The following TAF15 variants were observed in gnomAD, a reference collection of about 807,000 sequenced individuals.
TAF15 encodes TATA-box binding protein associated factor 15.
A neutral mutation model predicts 102.5 loss-of-function variants in TAF15; 37 were observed. The ratio of observed to expected loss-of-function variants is 0.36; its 90% CI spans 0.28 to 0.47. The LOEUF (loss-of-function observed/expected upper bound fraction) is 0.47. TAF15 is among the 20% of genes least tolerant of loss of function. The pLI, the probability that TAF15 is intolerant of heterozygous loss-of-function variation, is 0.99. For synonymous variants in TAF15, 273 were observed against 259.2 expected, an observed-to-expected ratio of 1.05 and a Z score of -0.51; for missense variants, 652 against 760.7, an observed-to-expected ratio of 0.86 and a Z score of 1.68.
chr17:35,824,699 CTCT>C (rs1329440643), intron 7 of TAF15, among the ~76,000 whole-genome samples: 17 of 152,282 alleles, frequency 1.1e-4, no homozygotes, highest in African/African-American at 2.9e-4. Flanking sequence ...TGTTTTGTCC[CTCT>C]TCTTAAGTAA....
At chr17:35,846,809 T>C in intron 15 of TAF15, 97 bp from the exon 16 acceptor site, 7 of 1,269,962 alleles carry the variant, frequency 5.5e-6, no homozygotes, top group Non-Finnish European at 8.1e-6. Context: ...AGAAATTGTC[T>C]AGCTGATGCC....
intron 1 of TAF15, chr17:35,811,384 G>A (rs779787742): frequency 9.9e-5 from 15 of 152,200 alleles, no homozygotes; most frequent in Non-Finnish European, 1.3e-4. Flanking sequence ...GCTTTTCGGT[G>A]TGTGAAAAGG....
At position 35,844,985 on chromosome 17, in the gene TAF15, A is replaced by C. The variant is rs138688016; in HGVS notation, c.1686A>C (p.Arg562=). 1.7e-4 allele frequency: 276 copies of C among 1,611,402 alleles called. 1 individual carries two copies. The African/African-American group carries it at 3.2e-3, about 19-fold the overall frequency. ...GTGGTGGCGGCTATGGAGGAGACCG[A>C]GGTGGGGGCTACGGAGGAGACCGAG... The part of the protein sequence containing the change: ...DRSGGGYGGD[R]GGGYGGDRGG... Residue 562 remains arginine (R), a synonymous_variant, in exon 15 of 16, where the codon CGA becomes CGC. Transcript: ENST00000605844.
intron 6 of TAF15, chr17:35,823,742 C>T (rs1022385961): frequency 7.7e-6 from 2 of 260,038 alleles, no homozygotes; most frequent in Admixed American, 5.0e-5. Flanking sequence ...TGGGGTCGTG[C>T]TTTTCATCTA....
chr17:35,825,878 C>T (rs557528414), intron 7 of TAF15, among the ~76,000 whole-genome samples: 18 of 152,008 alleles, frequency 1.2e-4, no homozygotes, highest in Non-Finnish European at 2.1e-4. Flanking sequence ...GTTGTGAACC[C>T]GGGAGGCGGA....
intron 7 of TAF15, among the ~76,000 whole-genome samples, chr17:35,826,342 G>A (rs1407023701): frequency 6.6e-6 from 1 of 152,010 alleles, no homozygotes; most frequent in Admixed American, 6.6e-5. Flanking sequence ...TTAGAAATCC[G>A]TATGGATGCC....
intron 12 of TAF15, among the ~76,000 whole-genome samples, chr17:35,843,642 T>G (rs1385962046): frequency 6.6e-6 from 1 of 152,184 alleles, no homozygotes; most frequent in Non-Finnish European, 1.5e-5. Context: ...TCCAAAACTT[T>G]GAGCACCGAC....
At position 35,844,375 on chromosome 17, in the gene TAF15, C is replaced by T; in HGVS notation, c.1177+7C>T. ...TCTCGTCCCTCAGGAGGAGGTGGGT[C>T]AGCCTTTTAATAGCATCTGCATCGT... On this transcript the variant is annotated splice_region_variant and intron_variant, in intron 14 of 15. Coordinates refer to ENST00000605844, the MANE Select transcript of TAF15 (RefSeq NM_139215.3). 1 of 1,614,032 alleles carries T rather than the reference C, an allele frequency of 6.2e-7. No homozygotes were observed. Among genetic ancestry groups the T allele is most frequent in the Non-Finnish European group, 8.5e-7 (1 of 1,179,934 alleles).
Position 35,846,935 on chromosome 17 carries a change from G to A in TAF15, c.1769G>A (p.Arg590Gln), listed in dbSNP as rs769724066. 5.0e-6 allele frequency: 8 copies of A among 1,614,074 alleles called. No homozygotes were observed. The highest frequency in any genetic ancestry group is 1.1e-5 in the South Asian group (1 of 91,080). The change falls in exon 16 of 16, where the codon CGA becomes CAA. Residue 590 changes from arginine (R) to glutamine (Q), a missense_variant. Around this residue, in one of 3 missense-constraint regions of TAF15, gnomAD observed 368 missense variants for 367.5 expected, o/e 1.00. Coordinates refer to ENST00000605844, the MANE Select transcript of TAF15 (RefSeq NM_139215.3). ...RNDYRNDQRN[R>Q]PY ...GACTACAGAAATGATCAGCGCAACC[G>A]ACCATACTGATGACTGTTTTGAATG...
In TAF15 at chr17:35,809,853, G is replaced by A. The variant is rs1286686354; in HGVS notation, c.7+277G>A. ...ACTTGCCGTTCCCGGGGGAGGGTGT[G>A]TGTGAGTCGGGGGGCGGAGGCCGTC... On this transcript the variant is annotated intron_variant, in intron 1 of 15. Transcript: ENST00000605844. The A allele has an allele frequency of 7.8e-5, 46 of 590,770 alleles. No individual in the cohort carries two copies. In the East Asian group the frequency reaches 1.2e-3, roughly 15 times the overall value. The allele number at this position is 590,770 out of a possible 1,614,324, so 36.6% of individuals were successfully genotyped here.
chr17:35,833,515 G>C (rs1386113365), intron 7 of TAF15: 1 of 164,660 alleles, frequency 6.1e-6, no homozygotes, highest in Admixed American at 5.8e-5. Flanking sequence ...ACCTTGCTTT[G>C]TATTCTTCTA....
Position 35,845,045 on chromosome 17 carries a change from A to G in TAF15, c.1739+7A>G, listed in dbSNP as rs1426953176. The G allele has an allele frequency of 1.2e-6, 2 of 1,613,966 alleles. No homozygotes were observed. Among genetic ancestry groups the G allele is most frequent in the Non-Finnish European group, 1.7e-6 (2 of 1,179,994 alleles). On this transcript the variant is annotated splice_region_variant and intron_variant, in intron 15 of 15. Coordinates refer to ENST00000605844, the MANE Select transcript of TAF15 (RefSeq NM_139215.3). ...GAGGCAAAATGGGAGGAAGGTGAGT[A>G]TTAGAATGTGTTTATTAACCTTTTT...
chr17:35,833,561 G>T (rs1452652166), intron 7 of TAF15: 1 of 191,488 alleles, frequency 5.2e-6, no homozygotes, highest in Non-Finnish European at 1.1e-5. Context: ...GAAAATAACC[G>T]TTTGGAAAAA....
intron 10 of TAF15, among the ~76,000 whole-genome samples, chr17:35,837,414 C>T (rs1023899011): frequency 2.0e-5 from 3 of 152,034 alleles, no homozygotes; most frequent in African/African-American, 7.3e-5. Context: ...CTCAGCCTCC[C>T]ACCAAGTGCT....
Position 35,844,248 on chromosome 17 carries a change from T to C in TAF15, c.1089-32T>C. On this transcript the variant is annotated intron_variant, in intron 13 of 15. Coordinates refer to ENST00000605844, the MANE Select transcript of TAF15 (RefSeq NM_139215.3). ...GGGGTTCTGAGTCCATTAGAAACTA[T>C]ATAGGAGCATTATATTTTCCTCCTT... 4 of 1,610,954 alleles carry C rather than the reference T, an allele frequency of 2.5e-6. No homozygotes were observed. In the East Asian group the frequency reaches 6.7e-5, roughly 27 times the overall value.
intron 7 of TAF15, among the ~76,000 whole-genome samples, chr17:35,827,588 C>T (rs562477837): frequency 7.2e-5 from 11 of 152,130 alleles, no homozygotes; most frequent in African/African-American, 2.7e-4. Flanking sequence ...TGCCTATAAT[C>T]CCAGCTACTC....
intron 11 of TAF15, among the ~76,000 whole-genome samples, chr17:35,840,247 CTT>C (rs370455465): frequency 2.4e-3 from 284 of 119,362 alleles, no homozygotes; most frequent in African/African-American, 8.1e-3. Context: ...CGTTATTTTC[CTT>C]TTTTTTTTTT....
chr17:35,825,909 G>A (rs1054878541), intron 7 of TAF15, among the ~76,000 whole-genome samples: 8 of 151,888 alleles, frequency 5.3e-5, no homozygotes, highest in Non-Finnish European at 1.2e-4. Context: ...AGCCGAGATC[G>A]TGCCACTGCA....
chr17:35,809,510 TG>T lies in TAF15; in HGVS notation c.-58del. The T allele has an allele frequency of 6.2e-7, 1 of 1,610,748 alleles. No homozygotes were observed. Among genetic ancestry groups the T allele is most frequent in the Non-Finnish European group, 8.5e-7 (1 of 1,179,164 alleles). ...GTACAGCTCCGGCCGCCGCGCCGCC[TG>T]GCTTTCGTATTCGTTGTTCTCGGCG... On this transcript the variant is annotated 5_prime_UTR_variant, in exon 1 of 16. Transcript: ENST00000605844.
Sources: gnomAD v4.1 joint callset for allele counts (sites outside exome capture counted in the v4.1 genomes callset) on GRCh38, gnomAD v4.1.1 for gene constraint, gnomAD v4.1.1 regional missense constraint, MANE v1.5 for transcripts, NCBI Gene and HGNC (gene_info 2026-07-23, HGNC 2026-07-21) for gene names.